Variants in CCDC138 observed in about 807,000 individuals in gnomAD.
CCDC138 encodes coiled-coil domain containing 138.
Under a neutral mutation model 82.3 loss-of-function variants are expected in CCDC138, and 66 were observed. The ratio of observed to expected loss-of-function variants is 0.80; its 90% CI spans 0.66 to 0.98. The LOEUF (loss-of-function observed/expected upper bound fraction) is 0.98. Ranked by LOEUF, CCDC138 falls within the 50% of genes least tolerant of loss-of-function variation. The pLI is 0.00. For missense variants in CCDC138, 816 were observed against 758.9 expected, an observed-to-expected ratio of 1.08 and a Z score of -0.88; for synonymous variants, 297 against 265.4, an observed-to-expected ratio of 1.12 and a Z score of -1.16.
intron 13 of CCDC138, among the ~76,000 whole-genome samples, chr2:108,858,503 C>T (rs1323260426): frequency 6.6e-6 from 1 of 152,164 alleles, no homozygotes; most frequent in Non-Finnish European, 1.5e-5. Context: ...TTGATGATGT[C>T]TGACTGAAGA....
intron 10 of CCDC138, among the ~76,000 whole-genome samples, chr2:108,827,633 A>T (rs911810742): frequency 6.6e-6 from 1 of 151,908 alleles, no homozygotes; most frequent in East Asian, 1.9e-4. Context: ...TGGCTAACAC[A>T]GTGAAACCCC....
intron 4 of CCDC138, among the ~76,000 whole-genome samples, 164 bp downstream of exon 4, chr2:108,791,966 A>G (rs547083805): frequency 1.3e-5 from 2 of 152,332 alleles, no homozygotes; most frequent in African/African-American, 4.8e-5. Flanking sequence ...TATTAAACTA[A>G]AGGAGCAGAG....
chr2:108,827,814 T>TAAAAAAAAA (rs11346556), intron 10 of CCDC138, among the ~76,000 whole-genome samples: 1 of 134,110 alleles, frequency 7.5e-6, no homozygotes, highest in Non-Finnish European at 1.6e-5. Context: ...AGAATATGTC[T>TAAAAAAAAA]AAAAAAAAAA....
At chr2:108,792,618 T>A (rs1680084267) in intron 4 of CCDC138, among the ~76,000 whole-genome samples, 1 of 152,234 alleles carries the variant, frequency 6.6e-6, no homozygotes, top group African/African-American at 2.4e-5. Context: ...GGGCATTTGC[T>A]GAACTGAGTG....
chr2:108,818,439 A>C (rs1685142701), intron 10 of CCDC138, among the ~76,000 whole-genome samples: 2 of 152,216 alleles, frequency 1.3e-5, no homozygotes, highest in East Asian at 3.8e-4. Flanking sequence ...TTGTCTGTTG[A>C]CATGTTCAGG....
chr2:108,815,819 T>G, intron 9 of CCDC138, 122 bp from the exon 10 acceptor site: 6 of 820,028 alleles, frequency 7.3e-6, no homozygotes, highest in Non-Finnish European at 1.1e-5. Context: ...AGCTCTGTCC[T>G]TAACACATTT....
At chr2:108,824,650 A>G (rs1172024907) in intron 10 of CCDC138, among the ~76,000 whole-genome samples, 1 of 152,244 alleles carries the variant, frequency 6.6e-6, no homozygotes, top group Non-Finnish European at 1.5e-5. Flanking sequence ...GATAAAAAGT[A>G]TAGTGTAGCA....
intron 13 of CCDC138, among the ~76,000 whole-genome samples, chr2:108,862,398 A>G (rs9808001): frequency 0.92 from 139,686 of 152,206 alleles, 64,170 homozygotes; most frequent in East Asian, 1. Flanking sequence ...GTGTCAGTGG[A>G]CCTAACTCCA....
intron 10 of CCDC138, among the ~76,000 whole-genome samples, chr2:108,832,820 GGGTAT>G (rs1687927136): frequency 6.6e-6 from 1 of 152,166 alleles, no homozygotes; most frequent in Non-Finnish European, 1.5e-5. Flanking sequence ...ATCTATTACA[GGGTAT>G]GGGTGAGGTA....
intron 11 of CCDC138, 116 bp downstream of exon 11, chr2:108,839,417 T>C (rs545583878): frequency 1.2e-6 from 1 of 822,976 alleles, no homozygotes; most frequent in Non-Finnish European, 1.8e-6. Context: ...TAATCTTCCC[T>C]ATCTATGTCT....
intron 13 of CCDC138, among the ~76,000 whole-genome samples, chr2:108,863,811 G>A (rs942024600): frequency 6.6e-6 from 1 of 152,164 alleles, no homozygotes; most frequent in African/African-American, 2.4e-5. Flanking sequence ...AGGGATATGT[G>A]GCACAGGGAC....
intron 10 of CCDC138, among the ~76,000 whole-genome samples, chr2:108,835,304 A>G (rs1346915173): frequency 6.6e-6 from 1 of 152,232 alleles, no homozygotes; most frequent in African/African-American, 2.4e-5. Flanking sequence ...AAACTGTTCA[A>G]TGATTGAGTG....
intron 10 of CCDC138, among the ~76,000 whole-genome samples, chr2:108,825,022 T>C (rs1370829776): frequency 1.3e-5 from 2 of 152,232 alleles, no homozygotes; most frequent in Non-Finnish European, 2.9e-5. Context: ...GTATGGAAGA[T>C]ACAGTACACA....
At chr2:108,788,615 G>A (rs1679354185) in intron 2 of CCDC138, among the ~76,000 whole-genome samples, 1 of 145,856 alleles carries the variant, frequency 6.9e-6, no homozygotes, top group South Asian at 2.2e-4. Context: ...GGCTACTCAG[G>A]AGGCTGAGGC....
chr2:108,849,472 C>A (rs1487765451), intron 12 of CCDC138, among the ~76,000 whole-genome samples: 2 of 152,120 alleles, frequency 1.3e-5, no homozygotes, highest in Non-Finnish European at 2.9e-5. Context: ...AATACTGCCT[C>A]CCATGGTGAC....
At chr2:108,805,562 A>C (rs1488582013) in intron 7 of CCDC138, among the ~76,000 whole-genome samples, 1 of 52,390 alleles carries the variant, frequency 1.9e-5, no homozygotes, top group African/African-American at 5.2e-5. Context: ...CGTCTCTACC[A>C]AAAATACAAA....
chr2:108,882,613 C>T (rs1377549677), intron 1 of CCDC138: 1 of 152,258 alleles, frequency 6.6e-6, no homozygotes, highest in Admixed American at 6.5e-5. Flanking sequence ...CAGGTTAAGC[C>T]CCCAAGACCC....
At chr2:108,853,250 C>G (rs1691830250) in intron 12 of CCDC138, among the ~76,000 whole-genome samples, 1 of 152,124 alleles carries the variant, frequency 6.6e-6, no homozygotes, top group African/African-American at 2.4e-5. Context: ...CCTGCAATAA[C>G]TATGAGGTAG....
chr2:108,873,612 A>AT lies in CCDC138; in HGVS notation c.1832+29dup, dbSNP rs748992843. The AT allele has an allele frequency of 4.6e-6, 7 of 1,522,474 alleles. No individual in the cohort carries two copies. In the South Asian group the frequency reaches 5.9e-5, roughly 13 times the overall value. The allele number at this position is 1,522,474 out of a possible 1,614,324, so 94.3% of individuals were successfully genotyped here. On this transcript the variant is annotated intron_variant, in intron 14 of 14. Transcript: ENST00000295124. ...CAAGTAAGAATTTCTTATTTCTAAC[A>AT]TTTTTTATTGAAAAATACCTTACTG...
Sources: gnomAD v4.1 joint callset for allele counts (sites outside exome capture counted in the v4.1 genomes callset) on GRCh38, gnomAD v4.1.1 for gene constraint, MANE v1.5 for transcripts, NCBI Gene and HGNC (gene_info 2026-07-23, HGNC 2026-07-21) for gene names.